BEGAIN: variants seen among roughly 807,000 people sequenced by gnomAD.
BEGAIN encodes brain enriched guanylate kinase associated.
In BEGAIN, 19 loss-of-function variants were observed where a neutral mutation model predicts 35.8. That is an observed-to-expected ratio of 0.53 (90% confidence interval 0.37 to 0.78). The LOEUF is 0.78. BEGAIN is among the 30% of genes least tolerant of loss of function. The probability of loss-of-function intolerance (pLI) is 0.00; values close to 1 mark genes in which losing one functional copy is unlikely to be tolerated. For synonymous variants in BEGAIN, 462 were observed against 388.6 expected (o/e 1.19, Z -2.22); for missense variants, 795 against 853.6 (o/e 0.93, Z 0.85).
At chr14:100,554,195 C>T (rs1044221399) in intron 2 of BEGAIN, among the ~76,000 whole-genome samples, 9 of 152,194 alleles carry the variant, frequency 5.9e-5, no homozygotes, top group Non-Finnish European at 1.0e-4. Flanking sequence ...GCTCAGAGGG[C>T]GCTGAGCAGG....
chr14:100,538,469 C>T lies in BEGAIN; in HGVS notation c.1339G>A (p.Ala447Thr), dbSNP rs779991160. Residue 447 changes from alanine (A) to threonine (T), a missense_variant, in exon 7 of 7, where the codon GCC becomes ACC. Physicochemically the swap from Ala to Thr is moderately conservative, Grantham distance 58. This residue lies in a region of BEGAIN where 664 missense variants were observed against 647.7 expected (regional missense o/e 1.03). Transcript: ENST00000554140. ...WRPLSVEDIGAYSYPVSAAGR... is the reference protein window; with the variant it reads ...WRPLSVEDIGTYSYPVSAAGR... ...GCAGCGCTCACGGGGTAGGAGTAGGCGCCGATGTCCTCCACGCTCAGGGGA... is the reference window on the plus strand; with the variant it reads ...GCAGCGCTCACGGGGTAGGAGTAGGTGCCGATGTCCTCCACGCTCAGGGGA... 4.4e-6 allele frequency: 7 copies of T among 1,575,656 alleles called. No homozygotes were observed. Among genetic ancestry groups the T allele is most frequent in the South Asian group, 1.2e-5 (1 of 85,784 alleles).
In BEGAIN at chr14:100,577,993, C is replaced by A. The variant is rs141286657; in HGVS notation, c.42+9256G>T. On this transcript the variant is annotated intron_variant, in intron 1 of 6. Coordinates refer to ENST00000554140, the MANE Select transcript of BEGAIN (RefSeq NM_001385089.1). ...CAAGGTCCGGGCTCCCCAAGAGCGCCGTCACCCACTCCTCTCCTCCCATGG... is the reference window on the plus strand; with the variant it reads ...CAAGGTCCGGGCTCCCCAAGAGCGCAGTCACCCACTCCTCTCCTCCCATGG... 5.9e-3 allele frequency: 2,369 copies of A among 399,198 alleles called. 69 individuals carry two copies. The East Asian group carries it at 0.063, about 11-fold the overall frequency. 24.7% of individuals were successfully genotyped at this position (399,198 alleles called of 1,614,324 possible). A position where few individuals can be genotyped will look rare whatever the true frequency, so the allele number is the denominator to read the frequency against.
chr14:100,556,581 G>A (rs1036868461), intron 2 of BEGAIN, among the ~76,000 whole-genome samples: 6 of 152,176 alleles, frequency 3.9e-5, no homozygotes, highest in Admixed American at 2.0e-4. Flanking sequence ...AGGGCTCCCT[G>A]ACATCCCCCC....
Position 100,568,137 on chromosome 14 carries a change from G to A in BEGAIN, c.43-198C>T. 1.0e-6 allele frequency: 1 copy of A among 992,054 alleles called. No individual in the cohort carries two copies. The highest frequency in any genetic ancestry group is 1.2e-6 in the Non-Finnish European group (1 of 830,576). The allele number at this position is 992,054 out of a possible 1,614,324, so 61.5% of individuals were successfully genotyped here. ...AGTGGGCGCGCCGGGCCGCGGCCGAGTAACAGGTGAGCCCGCCCGGGCCGC... is the reference window on the plus strand; with the variant it reads ...AGTGGGCGCGCCGGGCCGCGGCCGAATAACAGGTGAGCCCGCCCGGGCCGC... On this transcript the variant is annotated intron_variant, in intron 1 of 6. Transcript: ENST00000554140. The surrounding 1 kb of genome is among the most constrained non-coding windows in gnomAD (Gnocchi z 7.5).
rs370925957 is a variant in BEGAIN at position 100,537,201 on chromosome 14, G to A, written c.*768C>T. On this transcript the variant is annotated 3_prime_UTR_variant, in exon 7 of 7. Coordinates refer to ENST00000554140, the MANE Select transcript of BEGAIN (RefSeq NM_001385089.1). The stretch of plus-strand genomic sequence containing the variant: ...ATGCAAAATACAGTACTAACTGGCA[G>A]GGCATGCATCAGAGACAACAAGAAT... 3 of 152,798 alleles carry A rather than the reference G, an allele frequency of 2.0e-5. No homozygotes were observed. The highest frequency in any genetic ancestry group is 4.1e-4 in the South Asian group (2 of 4,820). 9.5% of individuals were successfully genotyped at this position (152,798 alleles called of 1,614,324 possible).
chr14:100,556,375 A>AGCTG (rs2033725928), intron 2 of BEGAIN, among the ~76,000 whole-genome samples: 1 of 152,080 alleles, frequency 6.6e-6, no homozygotes, highest in Non-Finnish European at 1.5e-5. Flanking sequence ...ACGTGCTGGG[A>AGCTG]GCTGGTACAC....
chr14:100,566,373 G>C (rs1319089692), intron 2 of BEGAIN, among the ~76,000 whole-genome samples: 1 of 152,236 alleles, frequency 6.6e-6, no homozygotes, highest in Non-Finnish European at 1.5e-5. Context: ...CACAGGAATA[G>C]GTGCCGGAGA....
chr14:100,560,370 G>A (rs1164774386), intron 2 of BEGAIN, among the ~76,000 whole-genome samples: 2 of 152,208 alleles, frequency 1.3e-5, no homozygotes, highest in African/African-American at 2.4e-5. Flanking sequence ...AGCACCACCT[G>A]CCCCTGCCTC....
intron 2 of BEGAIN, among the ~76,000 whole-genome samples, chr14:100,550,170 C>T (rs2033041503): frequency 6.6e-6 from 1 of 152,154 alleles, no homozygotes; most frequent in South Asian, 2.1e-4. Flanking sequence ...GGTGGGGCCT[C>T]GAGGGATCTC....
intron 2 of BEGAIN, among the ~76,000 whole-genome samples, chr14:100,564,644 G>A (rs2139685389): frequency 6.6e-6 from 1 of 152,330 alleles, no homozygotes; most frequent in South Asian, 2.1e-4. Flanking sequence ...AAGGACAAGA[G>A]CCAAGGTGGC....
chr14:100,574,321 G>C (rs993040484), intron 1 of BEGAIN, among the ~76,000 whole-genome samples: 1 of 152,204 alleles, frequency 6.6e-6, no homozygotes, highest in African/African-American at 2.4e-5. Flanking sequence ...TGGGCACCTG[G>C]CCTCGGCTGC....
chr14:100,573,280 C>CGGGTGAGTCCCGAAGGGGCCGCCAGAGGA lies in BEGAIN; in HGVS notation c.43-5342_43-5341insTCCTCTGGCGGCCCCTTCGGGACTCACCC, dbSNP rs2035129131. On this transcript the variant is annotated intron_variant, in intron 1 of 6. Transcript: ENST00000554140. The surrounding 1 kb of genome is among the most constrained non-coding windows in gnomAD (Gnocchi z 4.2). ...TCTGGGGGGAGGGGCTTCCGGAGGA[C>CGGGTGAGTCCCGAAGGGGCCGCCAGAGGA]GGGGCGGGTGAGTCCCGAAGGGGCC... 1.4e-5 allele frequency among the ~76,000 whole-genome samples: 1 copy of CGGGTGAGTCCCGAAGGGGCCGCCAGAGGA among 71,926 alleles called. No individual in the cohort carries two copies. Among genetic ancestry groups the CGGGTGAGTCCCGAAGGGGCCGCCAGAGGA allele is most frequent in the African/African-American group, 5.9e-5 (1 of 16,920 alleles). 47.2% of individuals were successfully genotyped at this position (71,926 alleles called of 152,430 possible).
At position 100,546,780 on chromosome 14, in the gene BEGAIN, G is replaced by GCACA. The variant is rs879183769; in HGVS notation, c.72-122_72-119dup. ...CGAGTACCGGCGCGCGCGCGCGCGC[G>GCACA]CACACACACACACACACACACACAC... is the stretch of plus-strand genomic sequence containing the variant. On this transcript the variant is annotated intron_variant, in intron 2 of 6. Transcript: ENST00000554140. 9.5e-3 allele frequency: 3,273 copies of GCACA among 343,374 alleles called. 12 individuals carry two copies. Among genetic ancestry groups the GCACA allele is most frequent in the Admixed American group, 0.012 (194 of 15,784 alleles). The allele number at this position is 343,374 out of a possible 1,614,324, so 21.3% of individuals were successfully genotyped here. A position where few individuals can be genotyped will look rare whatever the true frequency, so the allele number is the denominator to read the frequency against.
chr14:100,557,139 C>T (rs576201447), intron 2 of BEGAIN, among the ~76,000 whole-genome samples: 3 of 150,266 alleles, frequency 2.0e-5, no homozygotes, highest in South Asian at 2.1e-4. Flanking sequence ...CCGGCCTCTT[C>T]CAGCCACACC....
chr14:100,561,515 G>A (rs1451927119), intron 2 of BEGAIN, among the ~76,000 whole-genome samples: 4 of 152,160 alleles, frequency 2.6e-5, no homozygotes, highest in African/African-American at 9.7e-5. Context: ...TTGGGAGGCC[G>A]AGGCAGGAGG....
chr14:100,548,121 G>A (rs2032772103), intron 2 of BEGAIN: 1 of 152,220 alleles, frequency 6.6e-6, no homozygotes, highest in African/African-American at 2.4e-5. Flanking sequence ...AGAGGAAGTA[G>A]AGTAACAAGC....
intron 5 of BEGAIN, among the ~76,000 whole-genome samples, chr14:100,541,220 A>G (rs1231330554): frequency 6.6e-6 from 1 of 152,150 alleles, no homozygotes; most frequent in Non-Finnish European, 1.5e-5. Flanking sequence ...GCCACTGAAA[A>G]TCTCTGTTGC....
Position 100,538,458 on chromosome 14 carries a change from G to T in BEGAIN, c.1350C>A (p.Tyr450Ter). 1 of 1,588,098 alleles carries T rather than the reference G, an allele frequency of 6.3e-7. No individual in the cohort carries two copies. Among genetic ancestry groups the T allele is most frequent in the Non-Finnish European group, 8.6e-7 (1 of 1,169,140 alleles). The part of the protein sequence containing the change: ...LSVEDIGAYS[Y>*]PVSAAGRASP... ...AGGCGCGGCCGGCAGCGCTCACGGG[G>T]TAGGAGTAGGCGCCGATGTCCTCCA... The change falls in exon 7 of 7, where the codon TAC becomes TAA. Residue 450 changes from tyrosine to a stop codon, truncating the protein, a stop_gained. Transcript: ENST00000554140. LOFTEE classifies it high-confidence loss of function.
chr14:100,575,930 C>T (rs923135100), intron 1 of BEGAIN, among the ~76,000 whole-genome samples: 1 of 152,134 alleles, frequency 6.6e-6, no homozygotes, highest in Non-Finnish European at 1.5e-5. Context: ...CCCAGCAGCC[C>T]CCAGAGGACG....
Sources: allele counts gnomAD v4.1 joint callset (sites outside exome capture counted in the v4.1 genomes callset), GRCh38; gene constraint gnomAD v4.1.1; regional missense constraint gnomAD v4.1.1; non-coding constraint Gnocchi (gnomAD v3.1); transcripts MANE v1.5; gene names NCBI Gene and HGNC (gene_info 2026-07-23, HGNC 2026-07-21).